Variants in FHOD3 observed in about 807,000 individuals in gnomAD.
FHOD3 encodes formin homology 2 domain containing 3.
Under a neutral mutation model 173.0 loss-of-function variants are expected in FHOD3, and 90 were observed. The ratio of observed to expected loss-of-function variants is 0.52; its 90% CI spans 0.44 to 0.62. The LOEUF is 0.62. FHOD3 is among the 20% of genes least tolerant of loss of function. The probability of loss-of-function intolerance (pLI) is 0.00; values close to 1 mark genes in which losing one functional copy is unlikely to be tolerated. For synonymous variants in FHOD3, 828 were observed against 823.0 expected, an observed-to-expected ratio of 1.01 and a Z score of -0.10; for missense variants, 1,945 against 2,034.7, an observed-to-expected ratio of 0.96 and a Z score of 0.85.
At chr18:36,435,101 CTT>C (rs36034498) in intron 3 of FHOD3, among the ~76,000 whole-genome samples, 2 of 138,140 alleles carry the variant, frequency 1.4e-5, no homozygotes, top group Non-Finnish European at 3.1e-5. Flanking sequence ...TTTCACTGGA[CTT>C]TTTTTTTTTT....
At chr18:36,723,419 C>T (rs2040890952) in intron 19 of FHOD3, among the ~76,000 whole-genome samples, 1 of 152,120 alleles carries the variant, frequency 6.6e-6, no homozygotes, top group East Asian at 1.9e-4. Context: ...TAATACTTTC[C>T]TATACATCTC....
chr18:36,742,617 C>T (rs1197424270), intron 21 of FHOD3, 120 bp from the exon 22 acceptor site: 22 of 1,103,908 alleles, frequency 2.0e-5, no homozygotes, highest in Middle Eastern at 2.2e-4. Context: ...ATGCCCATCG[C>T]GGGGGATTGC....
intron 10 of FHOD3, 55 bp from the exon 11 acceptor site, chr18:36,649,261 A>T: frequency 7.6e-7 from 1 of 1,316,744 alleles, no homozygotes; most frequent in Middle Eastern, 1.8e-4. Context: ...TGTAATGCTC[A>T]TCTCACTTTT....
At chr18:36,417,217 C>G (rs1352081189) in intron 3 of FHOD3, among the ~76,000 whole-genome samples, 2 of 152,154 alleles carry the variant, frequency 1.3e-5, no homozygotes, top group Non-Finnish European at 2.9e-5. Flanking sequence ...TCTCCCTCCT[C>G]CCATCATCCA....
At chr18:36,405,357 C>T (rs1416254445) in intron 3 of FHOD3, among the ~76,000 whole-genome samples, 1 of 152,192 alleles carries the variant, frequency 6.6e-6, no homozygotes, top group African/African-American at 2.4e-5. Flanking sequence ...TTTACAATTG[C>T]AGAAGGATTT....
At chr18:36,588,623 G>T (rs570596049) in intron 6 of FHOD3, among the ~76,000 whole-genome samples, 4 of 152,048 alleles carry the variant, frequency 2.6e-5, no homozygotes, top group Non-Finnish European at 5.9e-5. Flanking sequence ...AAGATTTTTT[G>T]GAATTCTTTT....
intron 14 of FHOD3, among the ~76,000 whole-genome samples, chr18:36,669,203 A>G (rs1056630216): frequency 2.6e-5 from 4 of 151,940 alleles, no homozygotes; most frequent in Non-Finnish European, 5.9e-5. Context: ...CTTTCATTTG[A>G]AATGACCTTT....
At chr18:36,693,470 C>T in intron 17 of FHOD3, 47 bp downstream of exon 17, 1 of 1,510,498 alleles carries the variant, frequency 6.6e-7, no homozygotes, top group Non-Finnish European at 9.1e-7. Context: ...TAACATCAGA[C>T]AGGCTTCCTC....
intron 5 of FHOD3, among the ~76,000 whole-genome samples, chr18:36,515,214 A>AC (rs2055899053): frequency 6.6e-6 from 1 of 151,388 alleles, no homozygotes; most frequent in Non-Finnish European, 1.5e-5. Context: ...ACAGCCGTTT[A>AC]TTTTATTTAT....
intron 3 of FHOD3, among the ~76,000 whole-genome samples, chr18:36,435,275 C>G (rs762722750): frequency 4.8e-4 from 73 of 151,936 alleles, no homozygotes; most frequent in Non-Finnish European, 9.0e-4. Context: ...AAATAAACTG[C>G]TAAAACCACT....
At chr18:36,311,114 A>G (rs1019773373) in intron 1 of FHOD3, among the ~76,000 whole-genome samples, 3 of 152,154 alleles carry the variant, frequency 2.0e-5, no homozygotes, top group African/African-American at 2.4e-5. Context: ...GCAAAGAAGA[A>G]AGGAGATGGA....
rs192902630 is a variant in FHOD3, at chr18:36,541,634, A to G, written c.511+29091A>G. On this transcript the variant is annotated intron_variant, in intron 5 of 28. Coordinates refer to ENST00000590592, the MANE Select transcript of FHOD3 (RefSeq NM_001281740.3). ...ATAAATGTATGTGTTTACTCCTTCC[A>G]AATAAAGTGGAAAGTGAGTAGTCAG... 2.0e-3 allele frequency among the ~76,000 whole-genome samples: 304 copies of G among 152,358 alleles called. 2 individuals carry two copies. The highest frequency in any genetic ancestry group is 6.8e-3 in the African/African-American group (282 of 41,584).
rs529228333 is a variant in FHOD3, at chr18:36,335,006, T to C, written c.166-20533T>C. Among the ~76,000 whole-genome samples, 3 of 152,322 alleles carry C rather than the reference T, an allele frequency of 2.0e-5. No homozygotes were observed. The South Asian group carries it at 6.2e-4, about 32-fold the overall frequency. On this transcript the variant is annotated intron_variant, in intron 1 of 28. Coordinates refer to ENST00000590592, the MANE Select transcript of FHOD3 (RefSeq NM_001281740.3). Reference sequence around the variant, plus strand: ...TCTTTTAGCAGGTGTGCCTGAGGCCTGTCCCTACCCCTTGTGGCCTTGGGA... The same window carrying C: ...TCTTTTAGCAGGTGTGCCTGAGGCCCGTCCCTACCCCTTGTGGCCTTGGGA...
intron 3 of FHOD3, among the ~76,000 whole-genome samples, chr18:36,414,088 T>A (rs2049498837): frequency 6.6e-6 from 1 of 152,220 alleles, no homozygotes; most frequent in African/African-American, 2.4e-5. Flanking sequence ...GTTTTTCAGC[T>A]GAGCACATTT....
chr18:36,775,056 G>A (rs547184106), intron 28 of FHOD3, among the ~76,000 whole-genome samples: 22 of 152,234 alleles, frequency 1.4e-4, no homozygotes, highest in African/African-American at 3.6e-4. Context: ...CAAGGAGGGC[G>A]TGAATGGACG....
rs781011673 is a variant in FHOD3, at chr18:36,512,430, C to A, written c.406-8C>A. 3.1e-6 allele frequency: 5 copies of A among 1,610,478 alleles called. No individual in the cohort carries two copies. The South Asian group carries it at 5.5e-5, about 18-fold the overall frequency. ...TATTTGAAGTATTTTTGTTTTCTTT[C>A]CTGCCAGGATGACAAGGATTTGGTG... On this transcript the variant is annotated splice_polypyrimidine_tract_variant and splice_region_variant and intron_variant, in intron 4 of 28. Coordinates refer to ENST00000590592, the MANE Select transcript of FHOD3 (RefSeq NM_001281740.3).
At chr18:36,406,778 A>G (rs1437169783) in intron 3 of FHOD3, among the ~76,000 whole-genome samples, 1 of 152,182 alleles carries the variant, frequency 6.6e-6, no homozygotes, top group East Asian at 1.9e-4. Context: ...TGGTAAAGAG[A>G]AGAGGCTGTT....
intron 16 of FHOD3, among the ~76,000 whole-genome samples, chr18:36,688,178 AC>A (rs540581538): frequency 4.3e-4 from 65 of 152,030 alleles, no homozygotes; most frequent in African/African-American, 1.5e-3. Flanking sequence ...ACAAGTTTTC[AC>A]CCCCAGCTCT....
At chr18:36,336,848 CAAAAAAAAA>C (rs36099993) in intron 1 of FHOD3, among the ~76,000 whole-genome samples, 65 of 35,804 alleles carry the variant, frequency 1.8e-3, no homozygotes, top group South Asian at 0.011. Flanking sequence ...AACTCCGTCT[CAAAAAAAAA>C]AAAAAAAAAA....
Sources: gnomAD v4.1 joint callset for allele counts (sites outside exome capture counted in the v4.1 genomes callset) on GRCh38, gnomAD v4.1.1 for gene constraint, MANE v1.5 for transcripts, NCBI Gene and HGNC (gene_info 2026-07-23, HGNC 2026-07-21) for gene names.